Variants in CPED1 observed in about 807,000 individuals in gnomAD.
CPED1 encodes the protein cadherin-like and PC-esterase domain-containing protein 1.
Under a neutral mutation model 128.2 loss-of-function variants are expected in CPED1, and 114 were observed. The ratio of observed to expected loss-of-function variants is 0.89; its 90% confidence interval spans 0.76 to 1.04. The LOEUF (loss-of-function observed/expected upper bound fraction) is 1.04, where lower values mean the gene tolerates loss of function less well. CPED1 is among the 50% of genes least tolerant of loss of function. The probability of loss-of-function intolerance (pLI) is 0.00; values close to 1 mark genes in which losing one functional copy is unlikely to be tolerated. For synonymous variants in CPED1, 462 were observed against 426.7 expected (o/e 1.08, Z -1.02); for missense variants, 1,211 against 1,207.1 (o/e 1.00, Z -0.05).
chr7:121,212,675 G>A (rs1321252557), intron 16 of CPED1, among the ~76,000 whole-genome samples: 2 of 131,500 alleles, frequency 1.5e-5, no homozygotes, highest in Non-Finnish European at 1.6e-5. Flanking sequence ...TTAAACAAAT[G>A]TCTGTTAAAG....
At chr7:121,278,991 A>C (rs1327470938) in intron 22 of CPED1, among the ~76,000 whole-genome samples, 1 of 152,096 alleles carries the variant, frequency 6.6e-6, no homozygotes, top group Non-Finnish European at 1.5e-5. Flanking sequence ...CATGTCAGGG[A>C]GTTTATTACT....
intron 16 of CPED1, among the ~76,000 whole-genome samples, chr7:121,173,237 T>C (rs991324160): frequency 2.6e-5 from 4 of 152,142 alleles, no homozygotes; most frequent in African/African-American, 9.6e-5. Flanking sequence ...GGTACTCCTA[T>C]TAATATCCCC....
chr7:121,155,075 GCAAA>G (rs1023474545), intron 16 of CPED1, among the ~76,000 whole-genome samples: 1 of 151,900 alleles, frequency 6.6e-6, no homozygotes, highest in African/African-American at 2.4e-5. Flanking sequence ...TATGCCAACA[GCAAA>G]CAACCTGAAA....
At chr7:121,106,430 T>G (rs1357892281) in intron 7 of CPED1, among the ~76,000 whole-genome samples, 1 of 152,116 alleles carries the variant, frequency 6.6e-6, no homozygotes, top group Non-Finnish European at 1.5e-5. Flanking sequence ...ATAAATTTGC[T>G]AATTATTATT....
intron 18 of CPED1, among the ~76,000 whole-genome samples, chr7:121,258,025 A>G (rs992104352): frequency 6.6e-6 from 1 of 152,068 alleles, no homozygotes; most frequent in Non-Finnish European, 1.5e-5. Flanking sequence ...GGAGTAGGAA[A>G]AGTCTCAGGC....
intron 5 of CPED1, among the ~76,000 whole-genome samples, chr7:121,069,350 A>C (rs1793932916): frequency 6.6e-6 from 1 of 152,146 alleles, no homozygotes; most frequent in South Asian, 2.1e-4. Flanking sequence ...TAATGCTGAA[A>C]TCCCATAATT....
Position 121,267,287 on chromosome 7 carries a change from AC to A in CPED1, c.2707del (p.His903IlefsTer3), listed in dbSNP as rs1286658589. 1.9e-6 allele frequency: 3 copies of A among 1,580,812 alleles called. No individual in the cohort carries two copies. The African/African-American group carries it at 4.1e-5, about 21-fold the overall frequency. ...GATTTCATCTGCCAGTGGATGGAGT[AC>A]ATTTCTTAACACAGGTAAGCACATT... ...IGFHLPVDGV[H>X]FLTQSEVQNL... On this transcript the variant is annotated frameshift_variant, in exon 21 of 23. Transcript: ENST00000310396. LOFTEE classifies it high-confidence loss of function.
rs1223515640 is a variant in CPED1, at chr7:121,124,340, T to A, written c.928T>A (p.Phe310Ile). The A allele has an allele frequency of 6.2e-7, 1 of 1,605,418 alleles. No homozygotes were observed. Among genetic ancestry groups the A allele is most frequent in the Non-Finnish European group, 8.5e-7 (1 of 1,176,474 alleles). The change falls in exon 8 of 23, where the codon TTT becomes ATT. Residue 310 changes from phenylalanine to isoleucine, a missense_variant. By Grantham distance (21) the Phe-to-Ile change is conservative. Coordinates refer to ENST00000310396, the MANE Select transcript of CPED1 (RefSeq NM_024913.5). ...TTTACTTTGTTCACAGCTGCAAACA[T>A]TTTTTGAGACATTCCTGAGAGCCAG... ...KKRFTVKLQT[F>I]FETFLRASSP...
At chr7:121,004,532 G>A (rs1457669850) in intron 2 of CPED1, among the ~76,000 whole-genome samples, 1 of 152,120 alleles carries the variant, frequency 6.6e-6, no homozygotes, top group Non-Finnish European at 1.5e-5. Flanking sequence ...AGAACTCTGG[G>A]CTGTGTGTGT....
At position 121,044,649 on chromosome 7, in the gene CPED1, TC is replaced by T. The variant is rs79110420; in HGVS notation, c.434-2237del. Among the ~76,000 whole-genome samples the T allele has an allele frequency of 1.9e-4, 16 of 82,246 alleles. 1 individual carries two copies. The highest frequency in any genetic ancestry group is 3.7e-4 in the South Asian group (1 of 2,734). 54.0% of individuals were successfully genotyped at this position (82,246 alleles called of 152,430 possible). A position where few individuals can be genotyped will look rare whatever the true frequency, so the allele number is the denominator to read the frequency against. On this transcript the variant is annotated intron_variant, in intron 3 of 22. Transcript: ENST00000310396. ...ATTGCTGAGAGCAGTGACTTTCTGCTCTTTTTTTTTTTTTTTTTTTGCTATT... is the reference window on the plus strand; with the variant it reads ...ATTGCTGAGAGCAGTGACTTTCTGCTTTTTTTTTTTTTTTTTTTTGCTATT...
At chr7:121,019,486 T>C (rs1431736285) in intron 3 of CPED1, among the ~76,000 whole-genome samples, 1 of 152,054 alleles carries the variant, frequency 6.6e-6, no homozygotes, top group African/African-American at 2.4e-5. Flanking sequence ...AATTCTTATG[T>C]GTAGCCCAGT....
chr7:121,050,698 C>T (rs1000533578), intron 4 of CPED1: 1 of 411,476 alleles, frequency 2.4e-6, no homozygotes, highest in Admixed American at 2.6e-5. Flanking sequence ...CTCCTGACCT[C>T]AGGTGATCCA....
chr7:121,261,662 A>G, intron 18 of CPED1: 1 of 1,611,244 alleles, frequency 6.2e-7, no homozygotes, highest in Non-Finnish European at 8.5e-7. Context: ...AGTTCCTAGA[A>G]GCCGTAATTG....
chr7:121,244,477 A>G (rs939031892), intron 18 of CPED1, 139 bp downstream of exon 18: 1 of 822,612 alleles, frequency 1.2e-6, no homozygotes, highest in Non-Finnish European at 1.9e-6. Flanking sequence ...GGCTTTTTGA[A>G]TCATGTATAG....
intron 9 of CPED1, 99 bp downstream of exon 9, chr7:121,125,991 TA>T (rs1795494359): frequency 3.5e-6 from 3 of 864,056 alleles, no homozygotes; most frequent in Non-Finnish European, 5.7e-6. Flanking sequence ...AACCAATCAA[TA>T]AATAGCAATT....
Position 121,125,895 on chromosome 7 carries a change from C to A in CPED1, c.1134+3C>A. On this transcript the variant is annotated splice_donor_region_variant and intron_variant, in intron 9 of 22. Coordinates refer to ENST00000310396, the MANE Select transcript of CPED1 (RefSeq NM_024913.5). ...TCATGTACCCTGTAGTGCTCCAGGTCAGTATGCCAAAGGCCTCATGTGAGC... is the reference window on the plus strand; with the variant it reads ...TCATGTACCCTGTAGTGCTCCAGGTAAGTATGCCAAAGGCCTCATGTGAGC... The A allele has an allele frequency of 6.3e-7, 1 of 1,597,516 alleles. No homozygotes were observed. The highest frequency in any genetic ancestry group is 8.6e-7 in the Non-Finnish European group (1 of 1,165,098).
intron 16 of CPED1, among the ~76,000 whole-genome samples, chr7:121,148,292 C>G (rs1917110): frequency 0.64 from 97,613 of 151,662 alleles, 31,717 homozygotes; most frequent in East Asian, 0.89. Context: ...TAGGGGAATA[C>G]AAATAGCAGC....
Position 121,015,765 on chromosome 7 carries a change from A to G in CPED1, c.350A>G (p.His117Arg). ...YSKTELQLHQ[H>R]ILTQHGYTVV... ...AAAACAGAGCTTCAGCTACACCAGC[A>G]CATTCTGACTCAACATGGCTATACG... is the stretch of plus-strand genomic sequence containing the variant. The change falls in exon 3 of 23, where the codon CAC becomes CGC. Residue 117 changes from histidine (H) to arginine (R), a missense_variant. His to Arg is a conservative substitution (Grantham distance 29). Transcript: ENST00000310396. 3 of 1,612,108 alleles carry G rather than the reference A, an allele frequency of 1.9e-6. No individual in the cohort carries two copies. The highest frequency in any genetic ancestry group is 2.5e-6 in the Non-Finnish European group (3 of 1,179,288).
chr7:121,140,968 C>T lies in CPED1; in HGVS notation c.1841C>T (p.Pro614Leu), dbSNP rs147394831. ...VVTVTIGVETPKCLCKVHLYE... is the reference protein window; with the variant it reads ...VVTVTIGVETLKCLCKVHLYE... ...ACAGTGACAATTGGAGTGGAAACTCCTAAGTGTCTGTGCAAGGTGCACCTG... is the reference window on the plus strand; with the variant it reads ...ACAGTGACAATTGGAGTGGAAACTCTTAAGTGTCTGTGCAAGGTGCACCTG... Residue 614 changes from proline to leucine, a missense_variant, in exon 15 of 23, where the codon CCT becomes CTT. Transcript: ENST00000310396. The T allele has an allele frequency of 1.9e-6, 3 of 1,612,372 alleles. No individual in the cohort carries two copies. The highest frequency in any genetic ancestry group is 2.7e-5 in the African/African-American group (2 of 74,774).
Sources: allele counts gnomAD v4.1 joint callset (sites outside exome capture counted in the v4.1 genomes callset), GRCh38; gene constraint gnomAD v4.1.1; transcripts MANE v1.5; gene names NCBI Gene and HGNC (gene_info 2026-07-23, HGNC 2026-07-21).